The following TAF3 variants were observed in gnomAD, a reference collection of about 807,000 sequenced individuals.
TAF3 encodes the protein TATA-box binding protein associated factor 3.
TAF3 carries 7 observed loss-of-function variants against 80.6 expected under a neutral mutation model. The ratio of observed to expected loss-of-function variants is 0.09; its 90% CI spans 0.05 to 0.16. TAF3 has a LOEUF of 0.16. Ranked by LOEUF, TAF3 falls within the 10% of genes least tolerant of loss-of-function variation. The pLI is 1.00. For missense variants in TAF3, 921 were observed against 1,140.2 expected (o/e 0.81, Z 2.77); for synonymous variants, 444 against 446.1 (o/e 1.00, Z 0.06).
intron 2 of TAF3, among the ~76,000 whole-genome samples, chr10:7,831,530 G>T (rs1278587894): frequency 6.6e-6 from 1 of 152,062 alleles, no homozygotes. Flanking sequence ...ATTTTTAGTA[G>T]AGGCGAGGTT....
chr10:7,970,564 G>A (rs1160250479), intron 3 of TAF3, among the ~76,000 whole-genome samples: 1 of 152,146 alleles, frequency 6.6e-6, no homozygotes, highest in Non-Finnish European at 1.5e-5. Context: ...CAAATGAGGG[G>A]GATAGGAATG....
chr10:7,916,916 G>A lies in TAF3; in HGVS notation c.410-47004G>A, dbSNP rs537587908. Among the ~76,000 whole-genome samples, 48 of 152,200 alleles carry A rather than the reference G, an allele frequency of 3.2e-4. 2 individuals are homozygous for A. The highest frequency in any genetic ancestry group is 2.7e-3 in the Admixed American group (42 of 15,296). ...GACAAAAAGAAATGTAATTGGGTTC[G>A]TACTCAATTATTTTCTTCAGAAATA... On this transcript the variant is annotated intron_variant, in intron 2 of 6. Transcript: ENST00000344293.
chr10:7,988,572 CA>C (rs58825999), intron 4 of TAF3, among the ~76,000 whole-genome samples: 1,338 of 49,052 alleles, frequency 0.027, 3 homozygotes, highest in African/African-American at 0.063. Flanking sequence ...GACCCTGTCT[CA>C]AAAAAAAAAA....
At chr10:7,830,672 C>T (rs1251458557) in intron 2 of TAF3, among the ~76,000 whole-genome samples, 1 of 151,636 alleles carries the variant, frequency 6.6e-6, no homozygotes, top group Non-Finnish European at 1.5e-5. Flanking sequence ...TTAGTAGAGA[C>T]GGGGTTTCAC....
intron 2 of TAF3, among the ~76,000 whole-genome samples, chr10:7,893,891 C>A (rs1204062467): frequency 6.6e-6 from 1 of 152,058 alleles, no homozygotes. Flanking sequence ...ATTTCATCAT[C>A]CTTCTCAAAA....
At chr10:7,889,781 T>G (rs1206608112) in intron 2 of TAF3, among the ~76,000 whole-genome samples, 1 of 152,226 alleles carries the variant, frequency 6.6e-6, no homozygotes, top group African/African-American at 2.4e-5. Flanking sequence ...AAAGCCTGGG[T>G]GGCCTCTTAA....
intron 2 of TAF3, among the ~76,000 whole-genome samples, chr10:7,863,759 A>G (rs1837180723): frequency 6.9e-6 from 1 of 144,614 alleles, no homozygotes; most frequent in Admixed American, 6.9e-5. Context: ...ACATATATAT[A>G]TACACACATG....
At chr10:7,832,471 C>G (rs1273318235) in intron 2 of TAF3, among the ~76,000 whole-genome samples, 1 of 152,034 alleles carries the variant, frequency 6.6e-6, no homozygotes. Context: ...TTAATAAAAG[C>G]ACACCACAAT....
chr10:7,852,891 A>G (rs1837042692), intron 2 of TAF3, among the ~76,000 whole-genome samples: 1 of 152,266 alleles, frequency 6.6e-6, no homozygotes, highest in South Asian at 2.1e-4. Flanking sequence ...ATCAGTTTTC[A>G]AAATAATGAA....
chr10:8,009,400 C>A lies in TAF3; in HGVS notation c.2568+70C>A. 6.7e-7 allele frequency: 1 copy of A among 1,495,540 alleles called. No individual in the cohort carries two copies. Among genetic ancestry groups the A allele is most frequent in the Non-Finnish European group, 8.9e-7 (1 of 1,121,482 alleles). The allele number at this position is 1,495,540 out of a possible 1,614,324, so 92.6% of individuals were successfully genotyped here. On this transcript the variant is annotated intron_variant, in intron 5 of 6. Transcript: ENST00000344293. The surrounding 1 kb of genome is among the most constrained non-coding windows in gnomAD (Gnocchi z 4.1). ...ATCGAGACAAGTGTGTGCTCTGAAT[C>A]ACTATCGAATTTCAGACGCATTTCT...
At chr10:7,948,458 T>C (rs1838048367) in intron 2 of TAF3, among the ~76,000 whole-genome samples, 1 of 152,206 alleles carries the variant, frequency 6.6e-6, no homozygotes, top group South Asian at 2.1e-4. Context: ...TACTCATAGA[T>C]GGATGAACTG....
intron 4 of TAF3, among the ~76,000 whole-genome samples, chr10:7,998,934 T>TG (rs1462040913): frequency 6.6e-6 from 1 of 152,102 alleles, no homozygotes; most frequent in Non-Finnish European, 1.5e-5. Flanking sequence ...ATTATGTGTT[T>TG]GGTATAGCTG....
In TAF3 at chr10:7,838,853, G is replaced by A. The variant is rs114768308; in HGVS notation, c.409+14293G>A. On this transcript the variant is annotated intron_variant, in intron 2 of 6. Coordinates refer to ENST00000344293, the MANE Select transcript of TAF3 (RefSeq NM_031923.4). ...TTACCTTGTTAGGCTGGAGTTCCAG[G>A]GTCTGGGGAACGTTCCTTCTGTGTA... Among the ~76,000 whole-genome samples the A allele has an allele frequency of 8.3e-3, 1,249 of 151,140 alleles. 17 individuals carry two copies. The highest frequency in any genetic ancestry group is 0.029 in the African/African-American group (1,179 of 40,988).
chr10:7,824,757 G>A (rs1836724946), intron 2 of TAF3, among the ~76,000 whole-genome samples, 197 bp downstream of exon 2: 1 of 152,206 alleles, frequency 6.6e-6, no homozygotes, highest in Admixed American at 6.5e-5. Flanking sequence ...TGTAATCAAG[G>A]TCATGTCTGA....
rs189563213 is a variant in TAF3, at chr10:7,964,584, G to C, written c.1074G>C (p.Gln358His). ...LSEKISKETI[Q>H]VKQIQTPPDA... ...AAAAAATCAGTAAAGAGACTATCCAGGTAAAACAAATACAGACACCCCCTG... is the reference window on the plus strand; with the variant it reads ...AAAAAATCAGTAAAGAGACTATCCACGTAAAACAAATACAGACACCCCCTG... Residue 358 changes from glutamine (Q) to histidine (H), a missense_variant, in exon 3 of 7, where the codon CAG becomes CAC. Transcript: ENST00000344293. The surrounding 1 kb of genome is among the most constrained non-coding windows in gnomAD (Gnocchi z 4.1). 1.7e-4 allele frequency: 281 copies of C among 1,614,060 alleles called. 6 individuals carry two copies. The East Asian group carries it at 6.1e-3, about 35-fold the overall frequency.
At chr10:7,863,758 T>C (rs1837180691) in intron 2 of TAF3, among the ~76,000 whole-genome samples, 1 of 143,172 alleles carries the variant, frequency 7.0e-6, no homozygotes, top group Admixed American at 7.0e-5. Flanking sequence ...CACATATATA[T>C]ATACACACAT....
chr10:7,858,825 T>TGCAC (rs538832928), intron 2 of TAF3, among the ~76,000 whole-genome samples: 5 of 92,394 alleles, frequency 5.4e-5, no homozygotes, highest in African/African-American at 1.8e-4. Context: ...TGTGTGTGTG[T>TGCAC]GTGCGCGCGC....
rs369767389 is a variant in TAF3 at position 7,910,755 on chromosome 10, TACTA to T, written c.410-53159_410-53156del. 2.3e-4 allele frequency among the ~76,000 whole-genome samples: 35 copies of T among 152,330 alleles called. No homozygotes were observed. The East Asian group carries it at 6.0e-3, about 26-fold the overall frequency. On this transcript the variant is annotated intron_variant, in intron 2 of 6. Transcript: ENST00000344293. Reference sequence around the variant, plus strand: ...ATTTTTTCAAGGATGTTAACCTGGCTACTAACTAAAAGACAGGAATAATTCGGTG... The same window carrying T: ...ATTTTTTCAAGGATGTTAACCTGGCTACTAAAAGACAGGAATAATTCGGTG...
intron 2 of TAF3, among the ~76,000 whole-genome samples, chr10:7,963,280 G>A (rs1057344055): frequency 3.9e-5 from 6 of 152,152 alleles, no homozygotes; most frequent in Admixed American, 6.5e-5. Flanking sequence ...GGGTGCGCAC[G>A]TGTGCTTCTA....
Sources: allele counts gnomAD v4.1 joint callset (sites outside exome capture counted in the v4.1 genomes callset), GRCh38; gene constraint gnomAD v4.1.1; non-coding constraint Gnocchi (gnomAD v3.1); transcripts MANE v1.5; gene names NCBI Gene and HGNC (gene_info 2026-07-23, HGNC 2026-07-21).